SPOCK1: variants seen among roughly 807,000 people sequenced by gnomAD.
SPOCK1 encodes testican-1.
SPOCK1 carries 23 observed loss-of-function variants against 55.3 expected under a neutral mutation model. The observed-to-expected ratio is 0.42, with a 90% CI of 0.30 to 0.59. The LOEUF (loss-of-function observed/expected upper bound fraction) is 0.59. SPOCK1 is among the 20% of genes least tolerant of loss of function. The probability of loss-of-function intolerance (pLI) is 0.22; values close to 1 mark genes in which losing one functional copy is unlikely to be tolerated. For synonymous variants in SPOCK1, 226 were observed against 221.0 expected (o/e 1.02, Z -0.20); for missense variants, 499 against 552.5 (o/e 0.90, Z 0.97).
intron 2 of SPOCK1, among the ~76,000 whole-genome samples, chr5:137,350,424 A>C (rs1357332702): frequency 2.0e-5 from 3 of 152,196 alleles, no homozygotes; most frequent in Non-Finnish European, 4.4e-5. Flanking sequence ...GGCTTGGCTG[A>C]GCAAGGCTTC....
At chr5:137,082,362 T>C (rs61324013) in intron 5 of SPOCK1, among the ~76,000 whole-genome samples, 25,220 of 152,086 alleles carry the variant, frequency 0.17, 2,843 homozygotes, top group East Asian at 0.5. Flanking sequence ...GAGAGACATG[T>C]CAGCTACTTG....
At chr5:137,109,227 G>C (rs1006391640) in intron 5 of SPOCK1, among the ~76,000 whole-genome samples, 1 of 152,184 alleles carries the variant, frequency 6.6e-6, no homozygotes, top group African/African-American at 2.4e-5. Flanking sequence ...AATTAGAACA[G>C]CACAAACAGG....
At chr5:137,366,513 G>A (rs1027683867) in intron 2 of SPOCK1, among the ~76,000 whole-genome samples, 1 of 152,104 alleles carries the variant, frequency 6.6e-6, no homozygotes, top group African/African-American at 2.4e-5. Flanking sequence ...TGGGAGCAGG[G>A]GCCTGTTGGA....
chr5:137,189,238 A>C (rs1166211072), intron 3 of SPOCK1, among the ~76,000 whole-genome samples: 3 of 152,276 alleles, frequency 2.0e-5, no homozygotes, highest in Non-Finnish European at 4.4e-5. Context: ...CAATGCAGGC[A>C]AAACAACTTT....
At chr5:137,213,464 A>G (rs1477052993) in intron 3 of SPOCK1, among the ~76,000 whole-genome samples, 1 of 152,186 alleles carries the variant, frequency 6.6e-6, no homozygotes, top group Non-Finnish European at 1.5e-5. Flanking sequence ...ACGCCATCAA[A>G]CCTCTATCAA....
At chr5:137,179,670 A>T (rs1235618132) in intron 3 of SPOCK1, among the ~76,000 whole-genome samples, 4 of 152,122 alleles carry the variant, frequency 2.6e-5, no homozygotes, top group African/African-American at 4.8e-5. Flanking sequence ...ATTGAGGGGA[A>T]CTCATTCCTG....
At chr5:137,245,212 T>C (rs554670538) in intron 3 of SPOCK1, among the ~76,000 whole-genome samples, 1 of 152,318 alleles carries the variant, frequency 6.6e-6, no homozygotes, top group East Asian at 1.9e-4. Flanking sequence ...ACATAATTAA[T>C]AGTAAACACA....
intron 6 of SPOCK1, among the ~76,000 whole-genome samples, chr5:136,993,432 G>C (rs775208465): frequency 6.6e-6 from 1 of 152,140 alleles, no homozygotes; most frequent in Admixed American, 6.5e-5. Flanking sequence ...CAGGGCATAC[G>C]CTAATTCTTG....
chr5:137,001,448 G>A (rs977300765), intron 6 of SPOCK1, among the ~76,000 whole-genome samples: 1 of 152,172 alleles, frequency 6.6e-6, no homozygotes, highest in Admixed American at 6.5e-5. Context: ...TCCTACGGAT[G>A]GTAAACGGCA....
chr5:137,494,455 A>G (rs1754254718), intron 2 of SPOCK1, among the ~76,000 whole-genome samples: 1 of 152,156 alleles, frequency 6.6e-6, no homozygotes, highest in Non-Finnish European at 1.5e-5. Context: ...TTTGATCAAA[A>G]GACTTAACCT....
intron 5 of SPOCK1, among the ~76,000 whole-genome samples, chr5:137,109,113 C>A (rs1395865438): frequency 6.6e-6 from 1 of 152,158 alleles, no homozygotes; most frequent in Non-Finnish European, 1.5e-5. Flanking sequence ...GTTTGATGTA[C>A]AATACGCCAC....
chr5:137,462,931 T>C (rs541781292), intron 2 of SPOCK1, among the ~76,000 whole-genome samples: 1 of 152,136 alleles, frequency 6.6e-6, no homozygotes, highest in Non-Finnish European at 1.5e-5. Context: ...CAACAAGTGC[T>C]GATAGTTTCG....
At chr5:137,155,262 T>G (rs756862419) in intron 3 of SPOCK1, among the ~76,000 whole-genome samples, 28 of 152,250 alleles carry the variant, frequency 1.8e-4, no homozygotes, top group Admixed American at 5.2e-4. Context: ...GAAATTGTGT[T>G]GCCTCTAATG....
chr5:137,104,584 G>A (rs998812057), intron 5 of SPOCK1, among the ~76,000 whole-genome samples: 10 of 152,192 alleles, frequency 6.6e-5, no homozygotes, highest in African/African-American at 2.4e-4. Flanking sequence ...TAAGCAGTGG[G>A]CAAGCGAGCA....
chr5:137,390,367 T>C (rs1214705259), intron 2 of SPOCK1, among the ~76,000 whole-genome samples: 2 of 152,212 alleles, frequency 1.3e-5, no homozygotes, highest in African/African-American at 4.8e-5. Flanking sequence ...CTAACTCATA[T>C]ATATTTTTAA....
intron 2 of SPOCK1, among the ~76,000 whole-genome samples, chr5:137,388,162 CAA>C (rs138041349): frequency 0.095 from 14,530 of 152,198 alleles, 1,630 homozygotes; most frequent in African/African-American, 0.28. Flanking sequence ...ATTTATAATA[CAA>C]AATCCAATCA....
At chr5:137,314,849 G>T (rs35032753) in intron 2 of SPOCK1, among the ~76,000 whole-genome samples, 1 of 152,168 alleles carries the variant, frequency 6.6e-6, no homozygotes, top group Non-Finnish European at 1.5e-5. Context: ...TAGGCTCTCA[G>T]GACAACCCCA....
chr5:137,240,894 G>T (rs1756267499), intron 3 of SPOCK1, among the ~76,000 whole-genome samples: 1 of 152,080 alleles, frequency 6.6e-6, no homozygotes, highest in Non-Finnish European at 1.5e-5. Context: ...TAAATACAAA[G>T]TCCAGAAACT....
At chr5:137,472,094 C>T (rs1252655486) in intron 2 of SPOCK1, among the ~76,000 whole-genome samples, 1 of 152,168 alleles carries the variant, frequency 6.6e-6, no homozygotes. Flanking sequence ...GGTGGCTCGC[C>T]AAAGACTCAC....
Sources: gnomAD v4.1 joint callset for allele counts (sites outside exome capture counted in the v4.1 genomes callset) on GRCh38, gnomAD v4.1.1 for gene constraint, MANE v1.5 for transcripts, NCBI Gene and HGNC (gene_info 2026-07-23, HGNC 2026-07-21) for gene names.